The following TAFA5 variants were observed in gnomAD, a reference collection of about 807,000 sequenced individuals.
The protein encoded by TAFA5 is TAFA chemokine like family member 5, also known as chemokine-like protein TAFA-5.
In TAFA5, 6 loss-of-function variants were observed where a neutral mutation model predicts 15.3. The observed-to-expected ratio is 0.39, with a 90% CI of 0.21 to 0.77. TAFA5 has a LOEUF of 0.77. Among genes scored for constraint, TAFA5 ranks in the 30% least tolerant of loss-of-function variants. The pLI is 0.41. For missense variants in TAFA5, 161 were observed against 193.1 expected, an observed-to-expected ratio of 0.83 and a Z score of 0.98; for synonymous variants, 103 against 80.7, an observed-to-expected ratio of 1.28 and a Z score of -1.48.
intron 1 of TAFA5, among the ~76,000 whole-genome samples, chr22:48,518,623 G>A (rs1601844961): frequency 6.6e-6 from 1 of 152,166 alleles, no homozygotes; most frequent in South Asian, 2.1e-4. Flanking sequence ...CCTGGGAGGC[G>A]GACTCTCTCA....
chr22:48,665,824 C>T (rs1006030947), intron 2 of TAFA5, among the ~76,000 whole-genome samples: 11 of 152,190 alleles, frequency 7.2e-5, no homozygotes, highest in East Asian at 1.9e-4. Flanking sequence ...GGCGCCCTCC[C>T]GAGAACGCTA....
rs560631042 is a variant in TAFA5, at chr22:48,560,810, G to C, written c.112+71106G>C. On this transcript the variant is annotated intron_variant, in intron 1 of 3. Transcript: ENST00000402357. The surrounding 1 kb of genome is among the most constrained non-coding windows in gnomAD (Gnocchi z 4.2). The stretch of plus-strand genomic sequence containing the variant: ...TTTTTAGTAGAGATGGGGTTTCACC[G>C]TGTTGGCCAGACTGGTCTTGAACTC... 6.6e-6 allele frequency among the ~76,000 whole-genome samples: 1 copy of C among 151,948 alleles called. No individual in the cohort carries two copies.
intron 3 of TAFA5, among the ~76,000 whole-genome samples, chr22:48,719,475 C>T (rs577629886): frequency 6.6e-6 from 1 of 152,280 alleles, no homozygotes; most frequent in African/African-American, 2.4e-5. Flanking sequence ...AGGAAAACTG[C>T]CCAGAAGGAT....
intron 1 of TAFA5, among the ~76,000 whole-genome samples, chr22:48,596,357 T>C (rs1409074353): frequency 1.3e-5 from 2 of 152,184 alleles, no homozygotes; most frequent in East Asian, 1.9e-4. Context: ...GCATCAGGGC[T>C]AAGGGACACC....
chr22:48,526,805 C>T (rs1369409038), intron 1 of TAFA5, among the ~76,000 whole-genome samples: 1 of 152,206 alleles, frequency 6.6e-6, no homozygotes, highest in Non-Finnish European at 1.5e-5. Context: ...TAAAAATATG[C>T]TGTCAAAATA....
chr22:48,537,751 A>G (rs1007880903), intron 1 of TAFA5, among the ~76,000 whole-genome samples: 10 of 152,206 alleles, frequency 6.6e-5, no homozygotes, highest in African/African-American at 1.9e-4. Context: ...CGCCCAGCCC[A>G]GCAGCCTAGA....
chr22:48,613,204 T>C (rs1925475433), intron 1 of TAFA5, among the ~76,000 whole-genome samples: 1 of 152,174 alleles, frequency 6.6e-6, no homozygotes, highest in Admixed American at 6.5e-5. Context: ...TCACGCCGTA[T>C]TCCTCCTTCC....
rs979656004 is a variant in TAFA5, at chr22:48,491,319, ACT to A, written c.112+1618_112+1619del. ...TGTAGAAAGGGTTAATGGCAGGTAA[ACT>A]CTGTGCGGAAGAGGAGGCATTTGAA... On this transcript the variant is annotated intron_variant, in intron 1 of 3. Coordinates refer to ENST00000402357, the MANE Select transcript of TAFA5 (RefSeq NM_001082967.3). Among the ~76,000 whole-genome samples the A allele has an allele frequency of 6.6e-5, 10 of 152,128 alleles. 1 individual carries two copies. The highest frequency in any genetic ancestry group is 1.2e-4 in the African/African-American group (5 of 41,518).
intron 2 of TAFA5, among the ~76,000 whole-genome samples, chr22:48,704,935 G>T (rs1405406870): frequency 1.1e-4 from 16 of 152,076 alleles, no homozygotes; most frequent in Admixed American, 1.0e-3. Context: ...GCATCTGCTT[G>T]CTGTGTCCTG....
chr22:48,509,612 C>G (rs1209029581), intron 1 of TAFA5, among the ~76,000 whole-genome samples: 1 of 152,154 alleles, frequency 6.6e-6, no homozygotes, highest in African/African-American at 2.4e-5. Context: ...AAAGGACACC[C>G]TCTTCAACAA....
At chr22:48,716,662 G>T (rs1316067881) in intron 3 of TAFA5, among the ~76,000 whole-genome samples, 1 of 152,242 alleles carries the variant, frequency 6.6e-6, no homozygotes, top group Non-Finnish European at 1.5e-5. Flanking sequence ...TTCTGCACAT[G>T]TATCCCAGAA....
chr22:48,713,906 C>T (rs145863981), intron 3 of TAFA5, among the ~76,000 whole-genome samples: 182 of 152,360 alleles, frequency 1.2e-3, no homozygotes, highest in Non-Finnish European at 2.1e-3. Flanking sequence ...AACGTGGCCC[C>T]ACTAACAGAT....
chr22:48,687,326 G>A (rs1449663956), intron 2 of TAFA5, among the ~76,000 whole-genome samples: 1 of 151,196 alleles, frequency 6.6e-6, no homozygotes, highest in East Asian at 2.0e-4. Context: ...ATGGATGGTG[G>A]ACAGGTGGAT....
rs139079512 is a variant in TAFA5, at chr22:48,535,535, A to G, written c.112+45831A>G. ...CGTTCACACAGGCACATGTATGAGC[A>G]CTCGTGCCTTTGTGTGCGCACAAGC... On this transcript the variant is annotated intron_variant, in intron 1 of 3. Transcript: ENST00000402357. Among the ~76,000 whole-genome samples, 789 of 152,338 alleles carry G rather than the reference A, an allele frequency of 5.2e-3. 6 individuals are homozygous for G. The highest frequency in any genetic ancestry group is 0.018 in the African/African-American group (748 of 41,576).
At chr22:48,655,435 A>T (rs1043453657) in intron 2 of TAFA5, among the ~76,000 whole-genome samples, 1 of 152,204 alleles carries the variant, frequency 6.6e-6, no homozygotes, top group Admixed American at 6.5e-5. Flanking sequence ...TCAAGGCACT[A>T]GCGTGTTCAG....
chr22:48,700,657 G>T (rs1161210469), intron 2 of TAFA5, among the ~76,000 whole-genome samples: 1 of 152,176 alleles, frequency 6.6e-6, no homozygotes, highest in Non-Finnish European at 1.5e-5. Context: ...ATGTTTGCCT[G>T]TGGGCACCTG....
intron 1 of TAFA5, among the ~76,000 whole-genome samples, chr22:48,638,605 C>G (rs1397401704): frequency 2.3e-5 from 3 of 133,224 alleles, no homozygotes; most frequent in Non-Finnish European, 4.9e-5. Flanking sequence ...GGCAATACCC[C>G]TCCCCTGACA....
At position 48,658,618 on chromosome 22, in the gene TAFA5, T is replaced by G. The variant is rs1927329575; in HGVS notation, c.262+11872T>G. 2.6e-5 allele frequency among the ~76,000 whole-genome samples: 4 copies of G among 152,350 alleles called. No homozygotes were observed. In the South Asian group the frequency reaches 8.3e-4, roughly 32 times the overall value. On this transcript the variant is annotated intron_variant, in intron 2 of 3. Transcript: ENST00000402357. ...AAACACCCACCCAGGGCAGTACTGCTGTCACCTCCTGTTAAAAGCAGGGAA... is the reference window on the plus strand; with the variant it reads ...AAACACCCACCCAGGGCAGTACTGCGGTCACCTCCTGTTAAAAGCAGGGAA...
intron 2 of TAFA5, among the ~76,000 whole-genome samples, chr22:48,684,336 T>A (rs1397421204): frequency 6.6e-6 from 1 of 151,958 alleles, no homozygotes; most frequent in Non-Finnish European, 1.5e-5. Flanking sequence ...GTAGGCAGAA[T>A]TGAGCCCAGG....
Sources: allele counts gnomAD v4.1 joint callset (sites outside exome capture counted in the v4.1 genomes callset), GRCh38; gene constraint gnomAD v4.1.1; non-coding constraint Gnocchi (gnomAD v3.1); transcripts MANE v1.5; gene names NCBI Gene and HGNC (gene_info 2026-07-23, HGNC 2026-07-21).